Variants in COTL1 observed in about 807,000 individuals in gnomAD.
COTL1 encodes the protein coactosin like F-actin binding protein 1, also known as coactosin-like protein.
A neutral mutation model predicts 16.5 loss-of-function variants in COTL1; 15 were observed. The ratio of observed to expected loss-of-function variants is 0.91; its 90% confidence interval spans 0.61 to 1.40. COTL1 has a LOEUF of 1.40. Ranked by LOEUF, COTL1 falls within the 40% of genes most tolerant of loss-of-function variation. COTL1 has a pLI of 0.00. For missense variants in COTL1, 220 were observed against 201.5 expected (o/e 1.09, Z -0.56); for synonymous variants, 112 against 85.3 (o/e 1.31, Z -1.73).
intron 2 of COTL1, among the ~76,000 whole-genome samples, chr16:84,593,075 C>T (rs1904909755): frequency 6.6e-6 from 1 of 152,240 alleles, no homozygotes; most frequent in South Asian, 2.1e-4. Flanking sequence ...CTTTCATCAT[C>T]AACATCCAAA....
In COTL1 at chr16:84,589,803, CCCACCA is replaced by C. The variant is rs1567534950; in HGVS notation, c.318+296_318+301del. Among the ~76,000 whole-genome samples the C allele has an allele frequency of 2.0e-5, 3 of 152,146 alleles. No homozygotes were observed. The East Asian group carries it at 5.8e-4, about 29-fold the overall frequency. Reference sequence around the variant, plus strand: ...GGGTAGTGGCCGCTATTCTGGTCCCCCCACCAGTTCCCGTCTCTAGAAGCAAGCAAC... The same window carrying C: ...GGGTAGTGGCCGCTATTCTGGTCCCCGTTCCCGTCTCTAGAAGCAAGCAAC... On this transcript the variant is annotated intron_variant, in intron 3 of 3. Coordinates refer to ENST00000262428, the MANE Select transcript of COTL1 (RefSeq NM_021149.5).
rs9938546 is a variant in COTL1 at position 84,615,140 on chromosome 16, G to T, written c.160+2361C>A. ...GACACGACGACAGGAAGGAACAAGC[G>T]TTTCCGAGAGGAACAAGAGCAGACA... On this transcript the variant is annotated intron_variant, in intron 2 of 3. Coordinates refer to ENST00000262428, the MANE Select transcript of COTL1 (RefSeq NM_021149.5). 9.9e-3 allele frequency among the ~76,000 whole-genome samples: 1,511 copies of T among 152,318 alleles called. 36 individuals are homozygous for T. Among genetic ancestry groups the T allele is most frequent in the African/African-American group, 0.035 (1,436 of 41,562 alleles).
At chr16:84,609,556 G>C (rs1011106966) in intron 2 of COTL1, among the ~76,000 whole-genome samples, 1 of 152,186 alleles carries the variant, frequency 6.6e-6, no homozygotes, top group Non-Finnish European at 1.5e-5. Flanking sequence ...TTTCTCCTCT[G>C]GTAGCCCGTT....
At chr16:84,600,635 T>C (rs551538835) in intron 2 of COTL1, among the ~76,000 whole-genome samples, 1 of 152,308 alleles carries the variant, frequency 6.6e-6, no homozygotes, top group Non-Finnish European at 1.5e-5. Flanking sequence ...CTTTATGTGA[T>C]CCGCATTGTG....
chr16:84,574,036 T>G (rs1374227184), intron 3 of COTL1, among the ~76,000 whole-genome samples: 1 of 152,078 alleles, frequency 6.6e-6, no homozygotes, highest in East Asian at 1.9e-4. Flanking sequence ...ACAGTGGTGG[T>G]GTGCGCCTGT....
intron 2 of COTL1, among the ~76,000 whole-genome samples, chr16:84,597,082 G>A (rs1280039453): frequency 2.0e-5 from 3 of 152,192 alleles, no homozygotes; most frequent in Non-Finnish European, 4.4e-5. Flanking sequence ...CATGCTCTGA[G>A]CCTCAGCTGT....
intron 3 of COTL1, among the ~76,000 whole-genome samples, chr16:84,581,430 G>C (rs1388859500): frequency 1.3e-5 from 2 of 152,126 alleles, no homozygotes; most frequent in East Asian, 3.8e-4. Flanking sequence ...CAGCAGCCTC[G>C]TAAATCTCAT....
intron 3 of COTL1, among the ~76,000 whole-genome samples, chr16:84,588,399 G>T (rs546179939): frequency 6.6e-6 from 1 of 152,040 alleles, no homozygotes; most frequent in Non-Finnish European, 1.5e-5. Flanking sequence ...CGTCAACATT[G>T]GTACATTACA....
At chr16:84,574,548 T>C (rs990869616) in intron 3 of COTL1, among the ~76,000 whole-genome samples, 3 of 152,182 alleles carry the variant, frequency 2.0e-5, no homozygotes, top group African/African-American at 7.2e-5. Flanking sequence ...GCTTGAATGG[T>C]TTGGAATTAT....
intron 2 of COTL1, among the ~76,000 whole-genome samples, chr16:84,602,403 C>A (rs558859486): frequency 2.2e-5 from 3 of 138,192 alleles, no homozygotes; most frequent in South Asian, 4.6e-4. Context: ...AACTTTTTTT[C>A]TTTTAATTAA....
chr16:84,598,900 G>A (rs1392948902), intron 2 of COTL1, among the ~76,000 whole-genome samples: 1 of 151,824 alleles, frequency 6.6e-6, no homozygotes, highest in Non-Finnish European at 1.5e-5. Flanking sequence ...TCAAAGGGAT[G>A]GGGATGTGGG....
chr16:84,608,499 G>A (rs749759023), intron 2 of COTL1, among the ~76,000 whole-genome samples: 22 of 152,346 alleles, frequency 1.4e-4, no homozygotes, highest in African/African-American at 4.1e-4. Flanking sequence ...GCTATGCAGC[G>A]TGGCTCAGGG....
At chr16:84,609,201 G>A (rs1009595192) in intron 2 of COTL1, among the ~76,000 whole-genome samples, 3 of 152,210 alleles carry the variant, frequency 2.0e-5, no homozygotes, top group Non-Finnish European at 4.4e-5. Context: ...CTCTCTGTGT[G>A]TTGTATTGCC....
chr16:84,606,262 G>A (rs751121977), intron 2 of COTL1, among the ~76,000 whole-genome samples: 5 of 152,258 alleles, frequency 3.3e-5, no homozygotes, highest in Non-Finnish European at 7.3e-5. Flanking sequence ...GGCCAGAGCA[G>A]TCACATGGCC....
chr16:84,580,414 T>C (rs1904556864), intron 3 of COTL1, among the ~76,000 whole-genome samples: 1 of 152,122 alleles, frequency 6.6e-6, no homozygotes, highest in Non-Finnish European at 1.5e-5. Context: ...GCTCGGCTAA[T>C]TTTTTCATAT....
At chr16:84,571,601 C>T (rs566857924) in intron 3 of COTL1, among the ~76,000 whole-genome samples, 23 of 152,326 alleles carry the variant, frequency 1.5e-4, no homozygotes, top group Non-Finnish European at 3.1e-4. Context: ...GTTCTTTGAG[C>T]CTGGCAGTGA....
At chr16:84,608,695 C>T (rs1389216434) in intron 2 of COTL1, among the ~76,000 whole-genome samples, 1 of 152,186 alleles carries the variant, frequency 6.6e-6, no homozygotes, top group African/African-American at 2.4e-5. Context: ...CGCTTGAGCC[C>T]AGGAGTTCGA....
Position 84,571,899 on chromosome 16 carries a change from G to A in COTL1, c.319-4944C>T, listed in dbSNP as rs118099199. 5.8e-3 allele frequency among the ~76,000 whole-genome samples: 885 copies of A among 152,334 alleles called. 6 individuals carry two copies. The highest frequency in any genetic ancestry group is 0.014 in the Middle Eastern group (4 of 294). ...GGCCCAGGTGGTCAGGCCGCATGGA[G>A]GGGGTACTAGCAGGCCTCCATCCTA... On this transcript the variant is annotated intron_variant, in intron 3 of 3. Coordinates refer to ENST00000262428, the MANE Select transcript of COTL1 (RefSeq NM_021149.5).
chr16:84,615,146 G>C (rs184681564), intron 2 of COTL1, among the ~76,000 whole-genome samples: 1 of 152,222 alleles, frequency 6.6e-6, no homozygotes, highest in African/African-American at 2.4e-5. Context: ...AAGCGTTTCC[G>C]AGAGGAACAA....
Sources: allele counts gnomAD v4.1 joint callset (sites outside exome capture counted in the v4.1 genomes callset), GRCh38; gene constraint gnomAD v4.1.1; transcripts MANE v1.5; gene names NCBI Gene and HGNC (gene_info 2026-07-23, HGNC 2026-07-21).